Variants in ATP2B2 observed in about 807,000 individuals in gnomAD.
ATP2B2 encodes ATPase plasma membrane Ca2+ transporting 2.
In ATP2B2, 15 loss-of-function variants were observed where a neutral mutation model predicts 120.0. The observed-to-expected ratio is 0.12, with a 90% CI of 0.08 to 0.19. The LOEUF is 0.19. Among genes scored for constraint, ATP2B2 ranks in the 10% least tolerant of loss-of-function variants. The pLI is 1.00. For synonymous variants in ATP2B2, 694 were observed against 700.3 expected (o/e 0.99, Z 0.14); for missense variants, 1,045 against 1,719.8 (o/e 0.61, Z 6.94).
chr3:10,654,424 T>C (rs1458122078), intron 1 of ATP2B2, among the ~76,000 whole-genome samples: 2 of 152,082 alleles, frequency 1.3e-5, no homozygotes, highest in African/African-American at 4.8e-5. Flanking sequence ...ACAACAGAGT[T>C]TCCAGGCTGT....
chr3:10,336,845 G>T (rs1354896562), intron 22 of ATP2B2, among the ~76,000 whole-genome samples: 2 of 152,222 alleles, frequency 1.3e-5, no homozygotes, highest in East Asian at 3.8e-4. Flanking sequence ...TCCGCAAGAG[G>T]CAGGCAAGAC....
intron 1 of ATP2B2, among the ~76,000 whole-genome samples, chr3:10,701,556 C>T (rs1281113023): frequency 2.6e-5 from 4 of 151,916 alleles, no homozygotes; most frequent in East Asian, 1.9e-4. Flanking sequence ...TCATAAGAAA[C>T]GCATTCATCC....
At chr3:10,675,516 G>T (rs1038612428) in intron 1 of ATP2B2, among the ~76,000 whole-genome samples, 6 of 152,180 alleles carry the variant, frequency 3.9e-5, no homozygotes, top group Non-Finnish European at 8.8e-5. Context: ...CAAATTTGAG[G>T]CTCTGGTGCA....
At chr3:10,352,833 G>A (rs1178252036) in intron 14 of ATP2B2, among the ~76,000 whole-genome samples, 1 of 152,250 alleles carries the variant, frequency 6.6e-6, no homozygotes, top group Non-Finnish European at 1.5e-5. Context: ...AAGAGCTGCT[G>A]TTTCCTGGGA....
At chr3:10,346,000 C>G (rs2060421121) in intron 17 of ATP2B2, 31 bp downstream of exon 17, 1 of 1,591,896 alleles carries the variant, frequency 6.3e-7, no homozygotes, top group Non-Finnish European at 8.5e-7. Context: ...CCAGCCCCCA[C>G]CACCCCAGGC....
Position 10,481,452 on chromosome 3 carries a change from G to T in ATP2B2, c.-320+24013C>A, listed in dbSNP as rs1446757971. Reference sequence around the variant, plus strand: ...ACCTCAGGCAGTGCCCGCTCAAATGGCACCTCCTCAGAGAGCCCTGCCCTG... The same window carrying T: ...ACCTCAGGCAGTGCCCGCTCAAATGTCACCTCCTCAGAGAGCCCTGCCCTG... On this transcript the variant is annotated intron_variant, in intron 1 of 22. Coordinates refer to ENST00000360273, the MANE Select transcript of ATP2B2 (RefSeq NM_001001331.4). Among the ~76,000 whole-genome samples, 4 of 152,010 alleles carry T rather than the reference G, an allele frequency of 2.6e-5. No individual in the cohort carries two copies. In the South Asian group the frequency reaches 6.2e-4, roughly 24 times the overall value.
chr3:10,457,833 C>G (rs145723341), intron 1 of ATP2B2, among the ~76,000 whole-genome samples: 1 of 152,286 alleles, frequency 6.6e-6, no homozygotes, highest in East Asian at 1.9e-4. Flanking sequence ...AAGAAACCGC[C>G]TTGCATCAGC....
chr3:10,701,922 C>G (rs936998452), intron 1 of ATP2B2, among the ~76,000 whole-genome samples: 1 of 152,124 alleles, frequency 6.6e-6, no homozygotes, highest in African/African-American at 2.4e-5. Flanking sequence ...TCACCTTCTG[C>G]GAAACATAGT....
At chr3:10,653,681 T>C (rs1323494438) in intron 1 of ATP2B2, among the ~76,000 whole-genome samples, 3 of 152,224 alleles carry the variant, frequency 2.0e-5, no homozygotes, top group Admixed American at 1.3e-4. Context: ...CCATGATTAC[T>C]TGATCTAATC....
chr3:10,410,440 G>C (rs760778640), intron 3 of ATP2B2, among the ~76,000 whole-genome samples, 178 bp downstream of exon 3: 1 of 152,234 alleles, frequency 6.6e-6, no homozygotes. Context: ...GGAAAACGGG[G>C]CTGAGGCCTG....
intron 14 of ATP2B2, among the ~76,000 whole-genome samples, chr3:10,356,453 TG>T (rs2060734263): frequency 2.0e-5 from 3 of 152,328 alleles, no homozygotes; most frequent in Admixed American, 2.0e-4. Context: ...AATAGGTAAG[TG>T]CATCCCATTA....
intron 1 of ATP2B2, among the ~76,000 whole-genome samples, chr3:10,496,949 T>C (rs906977016): frequency 6.6e-6 from 1 of 152,204 alleles, no homozygotes; most frequent in Non-Finnish European, 1.5e-5. Context: ...GCCACGGCTT[T>C]TGCTGTCTCC....
At chr3:10,537,292 C>G (rs954118567) in intron 2 of ATP2B2, among the ~76,000 whole-genome samples, 9 of 152,158 alleles carry the variant, frequency 5.9e-5, no homozygotes, top group Non-Finnish European at 1.0e-4. Flanking sequence ...TTGCACAGAA[C>G]AGACATCTTT....
intron 1 of ATP2B2, among the ~76,000 whole-genome samples, chr3:10,484,892 C>T (rs945873105): frequency 6.6e-6 from 1 of 152,244 alleles, no homozygotes; most frequent in Non-Finnish European, 1.5e-5. Context: ...CTTCACAGTG[C>T]TGAGCCTCAG....
chr3:10,470,578 C>T (rs186256492), intron 1 of ATP2B2, among the ~76,000 whole-genome samples: 88 of 152,204 alleles, frequency 5.8e-4, no homozygotes, highest in Non-Finnish European at 7.9e-4. Context: ...AAATGGTGGT[C>T]CCAGGATGAG....
intron 2 of ATP2B2, among the ~76,000 whole-genome samples, chr3:10,537,512 T>G (rs1328686376): frequency 2.1e-5 from 2 of 93,516 alleles, no homozygotes; most frequent in Non-Finnish European, 4.0e-5. Context: ...TGAAAATACA[T>G]TTTTTTTTTG....
chr3:10,572,786 C>T (rs1231759395), intron 2 of ATP2B2, among the ~76,000 whole-genome samples: 1 of 152,178 alleles, frequency 6.6e-6, no homozygotes, highest in East Asian at 1.9e-4. Context: ...AACTGGAAGA[C>T]TTCTTGGCAG....
At chr3:10,406,935 G>C (rs923088388) in intron 3 of ATP2B2, among the ~76,000 whole-genome samples, 5 of 152,244 alleles carry the variant, frequency 3.3e-5, no homozygotes, top group African/African-American at 1.2e-4. Context: ...GCTAAGAGCA[G>C]GCCTCCCTCT....
intron 3 of ATP2B2, among the ~76,000 whole-genome samples, chr3:10,521,137 C>A (rs1465486020): frequency 6.6e-6 from 1 of 152,274 alleles, no homozygotes; most frequent in East Asian, 1.9e-4. Context: ...CCGGGGCACA[C>A]ATCCCAAGGA....
Sources: allele counts gnomAD v4.1 joint callset (sites outside exome capture counted in the v4.1 genomes callset), GRCh38; gene constraint gnomAD v4.1.1; transcripts MANE v1.5; gene names NCBI Gene and HGNC (gene_info 2026-07-23, HGNC 2026-07-21).